Variants in NTN1 observed in about 807,000 individuals in gnomAD.
NTN1 encodes the protein netrin 1, also known as netrin-1.
NTN1 carries 11 observed loss-of-function variants against 54.2 expected under a neutral mutation model. That is an observed-to-expected ratio of 0.20 (90% CI 0.13 to 0.34). NTN1 has a LOEUF of 0.34. NTN1 is among the 10% of genes least tolerant of loss of function. The pLI, the probability that NTN1 is intolerant of heterozygous loss-of-function variation, is 1.00. For missense variants in NTN1, 740 were observed against 893.1 expected (o/e 0.83, Z 2.18); for synonymous variants, 371 against 382.0 (o/e 0.97, Z 0.33).
At chr17:9,226,073 C>A (rs1411053556) in intron 6 of NTN1, among the ~76,000 whole-genome samples, 3 of 148,878 alleles carry the variant, frequency 2.0e-5, no homozygotes, top group African/African-American at 7.5e-5. Flanking sequence ...CGGCCCTGTC[C>A]CGTGTTCTCT....
chr17:9,007,958 G>A, the NTN1 span, among the ~76,000 whole-genome samples: 2 of 151,886 alleles, frequency 1.3e-5, no homozygotes, highest in Non-Finnish European at 2.9e-5. Flanking sequence ...TGTCCAGGCT[G>A]GTCTCAAACT....
chr17:9,181,882 C>T (rs573819848), intron 4 of NTN1, among the ~76,000 whole-genome samples: 4 of 152,268 alleles, frequency 2.6e-5, no homozygotes, highest in African/African-American at 4.8e-5. Flanking sequence ...GCTGCTGAAC[C>T]GATGAGCAGT....
At chr17:9,231,481 T>C (rs1905808917) in intron 6 of NTN1, among the ~76,000 whole-genome samples, 1 of 152,186 alleles carries the variant, frequency 6.6e-6, no homozygotes. Flanking sequence ...GCTTGACTTT[T>C]AGGAGCTGAC....
chr17:9,027,030 G>C (rs114031047), intron 2 of NTN1, among the ~76,000 whole-genome samples: 1,667 of 152,160 alleles, frequency 0.011, 33 homozygotes, highest in African/African-American at 0.038. Flanking sequence ...TGGGGGTCGG[G>C]GGATGTCCTC....
At chr17:9,181,897 A>G (rs1466278562) in intron 4 of NTN1, among the ~76,000 whole-genome samples, 1 of 152,190 alleles carries the variant, frequency 6.6e-6, no homozygotes, top group Non-Finnish European at 1.5e-5. Context: ...AGCAGTGGGG[A>G]CTGGCTGAAC....
the NTN1 span, among the ~76,000 whole-genome samples, chr17:9,009,673 T>C: frequency 1.3e-5 from 2 of 152,242 alleles, no homozygotes; most frequent in African/African-American, 4.8e-5. Flanking sequence ...AAATAAGCTG[T>C]TCTACATAAT....
intron 2 of NTN1, among the ~76,000 whole-genome samples, chr17:9,029,573 A>C (rs886768665): frequency 6.6e-6 from 1 of 152,224 alleles, no homozygotes; most frequent in African/African-American, 2.4e-5. Flanking sequence ...CCTCAAAGAT[A>C]TCTGCTCTCA....
rs529528582 is a variant in NTN1 at position 9,117,493 on chromosome 17, C to T, written c.1019-45320C>T. 6.4e-4 allele frequency among the ~76,000 whole-genome samples: 98 copies of T among 152,234 alleles called. No individual in the cohort carries two copies. The South Asian group carries it at 0.013, about 20-fold the overall frequency. On this transcript the variant is annotated intron_variant, in intron 2 of 6. Coordinates refer to ENST00000173229, the MANE Select transcript of NTN1 (RefSeq NM_004822.3). ...CATGTGGGCCGGGTGCGGTGGCTCA[C>T]GCAGTAGTTTGGGAGGCCGAGGAGG...
rs1161617405 is a variant in NTN1, at chr17:9,022,722, C to G, written c.349C>G (p.Leu117Val). The G allele has an allele frequency of 3.7e-6, 6 of 1,605,254 alleles. No individual in the cohort carries two copies. The highest frequency in any genetic ancestry group is 4.2e-6 in the Non-Finnish European group (5 of 1,176,682). The change falls in exon 2 of 7, where the codon CTG (leucine) becomes GTG (valine). Residue 117 changes from leucine to valine, a missense_variant. Physicochemically the swap from Leu to Val is conservative, Grantham distance 32. Transcript: ENST00000173229. ...FLTDLNNPHN[L>V]TCWQSENYLQ... ...CACCGACCTCAACAACCCGCACAAC[C>G]TGACGTGCTGGCAGTCCGAGAACTA...
intron 3 of NTN1, chr17:9,171,702 C>T (rs956279184): frequency 6.6e-6 from 1 of 152,048 alleles, no homozygotes; most frequent in African/African-American, 2.4e-5. Flanking sequence ...GAAGAACATT[C>T]CAGGAAGAAC....
At chr17:9,134,741 A>G (rs768477716) in intron 2 of NTN1, among the ~76,000 whole-genome samples, 2 of 152,156 alleles carry the variant, frequency 1.3e-5, no homozygotes, top group Non-Finnish European at 1.5e-5. Context: ...CGAAGTGAAC[A>G]TGCAGAGACA....
At chr17:9,092,158 G>A (rs1289747881) in intron 2 of NTN1, among the ~76,000 whole-genome samples, 1 of 152,032 alleles carries the variant, frequency 6.6e-6, no homozygotes, top group Non-Finnish European at 1.5e-5. Context: ...CCAAAGTGCT[G>A]AGATTACAGG....
intron 3 of NTN1, 70 bp downstream of exon 3, chr17:9,163,071 G>A (rs1355607688): frequency 1.7e-5 from 24 of 1,448,482 alleles, no homozygotes; most frequent in Non-Finnish European, 1.7e-5. Flanking sequence ...CTCCCTCCTC[G>A]CTTCCTTTTC....
At chr17:9,234,829 C>T (rs1287274575) in intron 6 of NTN1, among the ~76,000 whole-genome samples, 1 of 152,228 alleles carries the variant, frequency 6.6e-6, no homozygotes, top group East Asian at 1.9e-4. Context: ...TTGAGGGGCT[C>T]TGCTAACATC....
At chr17:9,013,052 T>C in the NTN1 span, among the ~76,000 whole-genome samples, 1 of 152,006 alleles carries the variant, frequency 6.6e-6, no homozygotes, top group Admixed American at 6.6e-5. Context: ...GTGTGTGTTG[T>C]GTGTGTCAGG....
intron 6 of NTN1, among the ~76,000 whole-genome samples, chr17:9,224,740 G>C (rs111925903): frequency 6.7e-6 from 1 of 149,576 alleles, no homozygotes; most frequent in South Asian, 2.1e-4. Flanking sequence ...GCCCAGGCGC[G>C]TCACCCAGCT....
intron 6 of NTN1, among the ~76,000 whole-genome samples, chr17:9,234,292 C>G (rs757426030): frequency 1.3e-5 from 2 of 152,208 alleles, no homozygotes; most frequent in Non-Finnish European, 2.9e-5. Context: ...AGGGCTGCTG[C>G]TGCCCCACCC....
At chr17:9,004,906 TGC>T in the NTN1 span, among the ~76,000 whole-genome samples, 90 of 152,314 alleles carry the variant, frequency 5.9e-4, no homozygotes, top group Non-Finnish European at 1.1e-3. Context: ...AATGGCCAGA[TGC>T]GTGTCCCAGG....
chr17:9,226,497 G>C (rs1597548663), intron 6 of NTN1, among the ~76,000 whole-genome samples: 1 of 32,226 alleles, frequency 3.1e-5, no homozygotes, highest in Admixed American at 4.6e-4. Context: ...GTCTCGTGGG[G>C]AGGTGGTCTC....
Sources: gnomAD v4.1 joint callset for allele counts (sites outside exome capture counted in the v4.1 genomes callset) on GRCh38, gnomAD v4.1.1 for gene constraint, MANE v1.5 for transcripts, NCBI Gene and HGNC (gene_info 2026-07-23, HGNC 2026-07-21) for gene names.